The following CLSTN2 variants were observed in gnomAD, a reference collection of about 807,000 sequenced individuals.
The protein encoded by CLSTN2 is calsyntenin-2.
CLSTN2 carries 48 observed loss-of-function variants against 101.2 expected under a neutral mutation model. The ratio of observed to expected loss-of-function variants is 0.47; its 90% confidence interval spans 0.38 to 0.60. The LOEUF is 0.60. Ranked by LOEUF, CLSTN2 falls within the 20% of genes least tolerant of loss-of-function variation. The pLI is 0.00. For missense variants in CLSTN2, 1,160 were observed against 1,238.2 expected, an observed-to-expected ratio of 0.94 and a Z score of 0.95; for synonymous variants, 481 against 463.6, an observed-to-expected ratio of 1.04 and a Z score of -0.48.
chr3:140,028,153 T>G (rs2007460003), intron 1 of CLSTN2, among the ~76,000 whole-genome samples: 1 of 152,188 alleles, frequency 6.6e-6, no homozygotes, highest in African/African-American at 2.4e-5. Flanking sequence ...TCTCTAGGAC[T>G]TCCTGGATCC....
intron 1 of CLSTN2, among the ~76,000 whole-genome samples, chr3:140,023,930 C>T (rs758764940): frequency 2.6e-5 from 4 of 152,220 alleles, no homozygotes; most frequent in African/African-American, 9.6e-5. Flanking sequence ...TCACTGCCTC[C>T]CTCTGCCCTG....
intron 2 of CLSTN2, among the ~76,000 whole-genome samples, chr3:140,242,693 T>G (rs900523523): frequency 2.6e-5 from 4 of 152,206 alleles, no homozygotes; most frequent in African/African-American, 9.6e-5. Context: ...ATTCTGCGCT[T>G]TATGAGAGGA....
chr3:140,551,304 G>A (rs1293477216), intron 10 of CLSTN2, among the ~76,000 whole-genome samples: 4 of 152,250 alleles, frequency 2.6e-5, no homozygotes, highest in Non-Finnish European at 5.9e-5. Context: ...TCTGCTCACA[G>A]GGACAAGCCC....
intron 2 of CLSTN2, among the ~76,000 whole-genome samples, chr3:140,240,152 G>GTCTCTCTC (rs1491524600): frequency 1.6e-4 from 10 of 62,786 alleles, no homozygotes; most frequent in African/African-American, 5.7e-4. Flanking sequence ...CTCTCTCTCT[G>GTCTCTCTC]TCTCTCTCTC....
At chr3:140,108,944 T>C (rs1458482982) in intron 1 of CLSTN2, among the ~76,000 whole-genome samples, 1 of 152,150 alleles carries the variant, frequency 6.6e-6, no homozygotes, top group African/African-American at 2.4e-5. Context: ...GAGCACCCTA[T>C]GAACTGGGTA....
At chr3:140,178,600 A>T (rs2010359762) in intron 2 of CLSTN2, among the ~76,000 whole-genome samples, 1 of 152,218 alleles carries the variant, frequency 6.6e-6, no homozygotes, top group Non-Finnish European at 1.5e-5. Flanking sequence ...TAAAAAATAA[A>T]GGTGGTTTTA....
At chr3:139,995,351 G>T (rs927334166) in intron 1 of CLSTN2, among the ~76,000 whole-genome samples, 1 of 152,144 alleles carries the variant, frequency 6.6e-6, no homozygotes, top group African/African-American at 2.4e-5. Context: ...AGTTAAATAC[G>T]CTATTGTCTA....
intron 1 of CLSTN2, among the ~76,000 whole-genome samples, chr3:139,963,571 T>A (rs1935545233): frequency 6.6e-6 from 1 of 152,224 alleles, no homozygotes; most frequent in Non-Finnish European, 1.5e-5. Flanking sequence ...ATTGGTATTG[T>A]CTCTGTACTA....
intron 8 of CLSTN2, chr3:140,505,575 A>T (rs1172686600): frequency 1.3e-5 from 2 of 152,190 alleles, no homozygotes; most frequent in East Asian, 3.8e-4. Flanking sequence ...AATTCCATTC[A>T]AGACCAGTTC....
intron 1 of CLSTN2, among the ~76,000 whole-genome samples, chr3:140,145,433 C>T (rs777279456): frequency 1.3e-4 from 20 of 152,368 alleles, no homozygotes; most frequent in Non-Finnish European, 2.4e-4. Context: ...CACTGTAGAG[C>T]AGTTGCTGAA....
At chr3:140,137,956 G>C (rs1362812303) in intron 1 of CLSTN2, among the ~76,000 whole-genome samples, 1 of 152,168 alleles carries the variant, frequency 6.6e-6, no homozygotes, top group Non-Finnish European at 1.5e-5. Flanking sequence ...CTTGCTTGCT[G>C]TTTTAACAGA....
chr3:140,318,899 C>G (rs913985960), intron 2 of CLSTN2, among the ~76,000 whole-genome samples: 6 of 152,132 alleles, frequency 3.9e-5, no homozygotes, highest in Admixed American at 1.3e-4. Flanking sequence ...AATCTGTCCT[C>G]TGAGTTCTTG....
At chr3:140,282,599 G>A (rs2086858542) in intron 2 of CLSTN2, among the ~76,000 whole-genome samples, 1 of 143,928 alleles carries the variant, frequency 6.9e-6, no homozygotes, top group South Asian at 2.3e-4. Flanking sequence ...AAACTTGTCT[G>A]TGACTTTCTT....
chr3:140,226,270 C>T (rs533494346), intron 2 of CLSTN2, among the ~76,000 whole-genome samples: 1 of 152,182 alleles, frequency 6.6e-6, no homozygotes, highest in African/African-American at 2.4e-5. Context: ...CATGAGAGGT[C>T]CTGGTGGTGA....
intron 2 of CLSTN2, among the ~76,000 whole-genome samples, chr3:140,200,891 A>AC (rs2010709944): frequency 1.3e-5 from 2 of 150,706 alleles, no homozygotes; most frequent in Non-Finnish European, 1.5e-5. Context: ...TCCCCAGTAC[A>AC]CCCCCTCCCT....
chr3:139,987,443 G>C (rs1381900016), intron 1 of CLSTN2, among the ~76,000 whole-genome samples: 1 of 152,192 alleles, frequency 6.6e-6, no homozygotes, highest in Admixed American at 6.5e-5. Flanking sequence ...AGACGATAAA[G>C]TAATTGGCTG....
At chr3:140,368,608 T>C (rs914220065) in intron 2 of CLSTN2, among the ~76,000 whole-genome samples, 7 of 152,130 alleles carry the variant, frequency 4.6e-5, no homozygotes, top group African/African-American at 1.7e-4. Context: ...CCATCATGAA[T>C]AGGCCACTTA....
At chr3:140,205,389 A>C (rs2107843565) in intron 2 of CLSTN2, among the ~76,000 whole-genome samples, 1 of 152,272 alleles carries the variant, frequency 6.6e-6, no homozygotes, top group South Asian at 2.1e-4. Context: ...AAGACAAAAC[A>C]GATGTGCCTG....
chr3:140,459,464 A>G (rs1425229432), intron 6 of CLSTN2, 57 bp from the exon 7 acceptor site: 1 of 1,595,300 alleles, frequency 6.3e-7, no homozygotes, highest in African/African-American at 1.3e-5. Context: ...AGGAGCAGAA[A>G]ACAGATGAGG....
Sources: gnomAD v4.1 joint callset for allele counts (sites outside exome capture counted in the v4.1 genomes callset) on GRCh38, gnomAD v4.1.1 for gene constraint, MANE v1.5 for transcripts, NCBI Gene and HGNC (gene_info 2026-07-23, HGNC 2026-07-21) for gene names.